Variants in PABPC4L observed in about 807,000 individuals in gnomAD.
PABPC4L encodes poly(A) binding protein cytoplasmic 4 like.
For missense variants in PABPC4L, 452 were observed against 451.4 expected (o/e 1.00, Z -0.01); for synonymous variants, 169 against 164.1 (o/e 1.03, Z -0.23).
chr4:134,013,219 G>C, the PABPC4L span, among the ~76,000 whole-genome samples: 1 of 151,820 alleles, frequency 6.6e-6, no homozygotes, highest in Non-Finnish European at 1.5e-5. Context: ...ACTTTTCTGG[G>C]GGAGGGGCAG....
chr4:134,135,999 T>C, the PABPC4L span, among the ~76,000 whole-genome samples: 1 of 152,106 alleles, frequency 6.6e-6, no homozygotes, highest in Non-Finnish European at 1.5e-5. Flanking sequence ...CTTTCCATTA[T>C]AAATATTTGA....
At chr4:134,150,787 T>C in the PABPC4L span, among the ~76,000 whole-genome samples, 1 of 152,146 alleles carries the variant, frequency 6.6e-6, no homozygotes, top group South Asian at 2.1e-4. Flanking sequence ...AATTAAATCC[T>C]CACATAATTG....
chr4:134,097,629 A>G, the PABPC4L span, among the ~76,000 whole-genome samples: 3 of 151,882 alleles, frequency 2.0e-5, no homozygotes, highest in Admixed American at 1.3e-4. Context: ...CATTTTGTTC[A>G]TTCATCAAAT....
chr4:134,123,168 C>T, the PABPC4L span, among the ~76,000 whole-genome samples: 2 of 151,960 alleles, frequency 1.3e-5, no homozygotes, highest in South Asian at 2.1e-4. Context: ...TGCTGATTTA[C>T]TAACATTAAA....
chr4:134,112,617 T>C, the PABPC4L span, among the ~76,000 whole-genome samples: 1 of 149,744 alleles, frequency 6.7e-6, no homozygotes, highest in African/African-American at 2.5e-5. Flanking sequence ...TATCTATCTA[T>C]ATATCTATCT....
At chr4:134,130,621 C>T in the PABPC4L span, among the ~76,000 whole-genome samples, 3 of 151,996 alleles carry the variant, frequency 2.0e-5, no homozygotes, top group Non-Finnish European at 4.4e-5. Context: ...TGGTACCAAT[C>T]CTATTGACAC....
At chr4:134,111,429 T>C in the PABPC4L span, among the ~76,000 whole-genome samples, 5 of 151,832 alleles carry the variant, frequency 3.3e-5, no homozygotes, top group South Asian at 8.3e-4. Flanking sequence ...TAGCTAGATA[T>C]AGATAGATAC....
At chr4:133,969,521 T>A in the PABPC4L span, among the ~76,000 whole-genome samples, 1 of 152,210 alleles carries the variant, frequency 6.6e-6, no homozygotes, top group Non-Finnish European at 1.5e-5. Context: ...GCTTACATTA[T>A]TCCATAAAAA....
the PABPC4L span, chr4:133,978,840 G>A: frequency 6.6e-6 from 1 of 151,990 alleles, no homozygotes; most frequent in Non-Finnish European, 1.5e-5. Context: ...ACCTTGTGAT[G>A]TGATATCATT....
At chr4:134,058,264 A>G in the PABPC4L span, among the ~76,000 whole-genome samples, 4 of 152,094 alleles carry the variant, frequency 2.6e-5, no homozygotes, top group African/African-American at 9.7e-5. Context: ...AAGAGTAAGA[A>G]AAATAGATTT....
the PABPC4L span, among the ~76,000 whole-genome samples, chr4:134,079,698 A>T: frequency 0.016 from 2,320 of 145,328 alleles, 23 homozygotes; most frequent in Admixed American, 0.021. Context: ...TGTGTGTGTG[A>T]GAGAGAGAGA....
chr4:133,979,903 T>C, the PABPC4L span, among the ~76,000 whole-genome samples: 1 of 152,200 alleles, frequency 6.6e-6, no homozygotes, highest in African/African-American at 2.4e-5. Context: ...ATCTTGTTTT[T>C]CCATTGTAGG....
the PABPC4L span, among the ~76,000 whole-genome samples, chr4:134,132,654 T>C: frequency 6.6e-6 from 1 of 151,744 alleles, no homozygotes; most frequent in Admixed American, 6.6e-5. Flanking sequence ...AGTGCGTAAA[T>C]TCTTTAAAGA....
At position 134,199,063 on chromosome 4, in the gene PABPC4L, T is replaced by C. The variant is rs917639810; in HGVS notation, c.*844A>G. On this transcript the variant is annotated 3_prime_UTR_variant, in exon 2 of 2. Coordinates refer to ENST00000421491, the MANE Select transcript of PABPC4L (RefSeq NM_001114734.2). ...TCTGTATGTATGATTTTCATAATAT[T>C]AGCATCTGGTAAAAATTTAAGATAA... 6.6e-6 allele frequency: 1 copy of C among 152,024 alleles called. No homozygotes were observed. Among genetic ancestry groups the C allele is most frequent in the African/African-American group, 2.4e-5 (1 of 41,440 alleles). 9.4% of individuals were successfully genotyped at this position (152,024 alleles called of 1,614,324 possible). A position where few individuals can be genotyped will look rare whatever the true frequency, so the allele number is the denominator to read the frequency against.
At chr4:134,001,332 A>C in the PABPC4L span, among the ~76,000 whole-genome samples, 1 of 151,952 alleles carries the variant, frequency 6.6e-6, no homozygotes, top group Non-Finnish European at 1.5e-5. Context: ...GGTAGCTAGG[A>C]AGTCATATTA....
chr4:134,079,598 A>C, the PABPC4L span, among the ~76,000 whole-genome samples: 2 of 91,104 alleles, frequency 2.2e-5, no homozygotes, highest in African/African-American at 4.5e-5. Context: ...AAAAAAAAAA[A>C]AAAAAAAAAA....
At chr4:133,979,600 T>C in the PABPC4L span, among the ~76,000 whole-genome samples, 4 of 152,114 alleles carry the variant, frequency 2.6e-5, no homozygotes, top group African/African-American at 9.7e-5. Context: ...CCTAGCCCCT[T>C]GATATGGCCT....
chr4:134,017,781 A>G, the PABPC4L span, among the ~76,000 whole-genome samples: 1 of 151,496 alleles, frequency 6.6e-6, no homozygotes, highest in East Asian at 2.0e-4. Flanking sequence ...CCACAATATC[A>G]CCCCTTACCA....
the PABPC4L span, among the ~76,000 whole-genome samples, chr4:134,010,391 T>G: frequency 6.6e-6 from 1 of 152,132 alleles, no homozygotes; most frequent in East Asian, 1.9e-4. Context: ...ATATCTGGCA[T>G]TTTTATTTTG....
Sources: gnomAD v4.1 joint callset for allele counts (sites outside exome capture counted in the v4.1 genomes callset) on GRCh38, gnomAD v4.1.1 for gene constraint, MANE v1.5 for transcripts, NCBI Gene and HGNC (gene_info 2026-07-23, HGNC 2026-07-21) for gene names.